Variants in SAMD12 observed in about 807,000 individuals in gnomAD.
SAMD12 encodes the protein sterile alpha motif domain-containing protein 12.
Under a neutral mutation model 15.0 loss-of-function variants are expected in SAMD12, and 9 were observed. The ratio of observed to expected loss-of-function variants is 0.60; its 90% CI spans 0.36 to 1.05. The LOEUF is 1.05. Among genes scored for constraint, SAMD12 ranks in the 50% least tolerant of loss-of-function variants. The probability of loss-of-function intolerance (pLI) is 0.01; values close to 1 mark genes in which losing one functional copy is unlikely to be tolerated. For synonymous variants in SAMD12, 86 were observed against 90.1 expected, an observed-to-expected ratio of 0.96 and a Z score of 0.25; for missense variants, 230 against 234.2, an observed-to-expected ratio of 0.98 and a Z score of 0.12.
intron 3 of SAMD12, among the ~76,000 whole-genome samples, chr8:118,427,311 A>G (rs1822261442): frequency 6.6e-6 from 1 of 152,238 alleles, no homozygotes; most frequent in Non-Finnish European, 1.5e-5. Context: ...TAAAAAATGG[A>G]AAAGTACACA....
intron 3 of SAMD12, among the ~76,000 whole-genome samples, chr8:118,424,406 CTG>C (rs1394099764): frequency 1.3e-5 from 2 of 151,994 alleles, no homozygotes; most frequent in African/African-American, 4.8e-5. Flanking sequence ...GAAAGGGAAA[CTG>C]AGGCTCAGTG....
intron 1 of SAMD12, among the ~76,000 whole-genome samples, chr8:118,606,902 C>T (rs1418231849): frequency 2.0e-5 from 3 of 152,112 alleles, no homozygotes; most frequent in East Asian, 1.9e-4. Flanking sequence ...TGACACTCCC[C>T]CTACTTTCTG....
chr8:118,233,226 G>C (rs949223188), intron 4 of SAMD12, among the ~76,000 whole-genome samples: 3 of 152,164 alleles, frequency 2.0e-5, no homozygotes, highest in African/African-American at 7.2e-5. Flanking sequence ...TTTACTGCCT[G>C]AAATATCTTC....
intron 2 of SAMD12, among the ~76,000 whole-genome samples, chr8:118,562,512 C>T (rs1232681036): frequency 6.6e-6 from 1 of 152,098 alleles, no homozygotes; most frequent in Non-Finnish European, 1.5e-5. Flanking sequence ...GAAGGGAGTG[C>T]ACTTCCAAAA....
chr8:118,521,578 C>A (rs9297588), intron 2 of SAMD12, among the ~76,000 whole-genome samples: 96,497 of 152,036 alleles, frequency 0.63, 30,829 homozygotes, highest in South Asian at 0.7. Context: ...GTGTTATACT[C>A]GCAGATATGC....
rs145463963 is a variant in SAMD12, at chr8:118,532,547, G to A, written c.192+48168C>T. Among the ~76,000 whole-genome samples the A allele has an allele frequency of 1.7e-3, 257 of 152,218 alleles. 1 individual carries two copies. The highest frequency in any genetic ancestry group is 4.8e-3 in the African/African-American group (201 of 41,536). ...CCTCTTTGTACCTCTGGTAGAATTC[G>A]GCTGTGAATCCATCTGGTCCTGGAC... On this transcript the variant is annotated intron_variant, in intron 2 of 3. Transcript: ENST00000314727.
intron 3 of SAMD12, among the ~76,000 whole-genome samples, chr8:118,431,935 T>C (rs1335276564): frequency 6.6e-6 from 1 of 152,156 alleles, no homozygotes; most frequent in Non-Finnish European, 1.5e-5. Context: ...CTCTGTTGTT[T>C]TCATTCATTT....
At chr8:118,541,540 T>C (rs1218924463) in intron 2 of SAMD12, among the ~76,000 whole-genome samples, 1 of 152,192 alleles carries the variant, frequency 6.6e-6, no homozygotes, top group African/African-American at 2.4e-5. Flanking sequence ...ATGAAAATAA[T>C]TGTAGACAGT....
rs566587156 is a variant in SAMD12 at position 118,230,431 on chromosome 8, C to A, written c.434-32699G>T. ...GCTATTCCAACTACTGATTCCTAAA[C>A]AATCCAGAGGACATATGAAATCAGA... On this transcript the variant is annotated intron_variant, in intron 4 of 4. Transcript: ENST00000409003. Among the ~76,000 whole-genome samples, 5 of 152,196 alleles carry A rather than the reference C, an allele frequency of 3.3e-5. No homozygotes were observed. In the South Asian group the frequency reaches 8.3e-4, roughly 25 times the overall value.
chr8:118,336,690 T>C (rs1385113134), intron 4 of SAMD12, among the ~76,000 whole-genome samples: 1 of 152,192 alleles, frequency 6.6e-6, no homozygotes, highest in East Asian at 1.9e-4. Flanking sequence ...ACCTGTTGTT[T>C]CCTGACTTTT....
rs528862868 is a variant in SAMD12, at chr8:118,504,799, G to A, written c.193-64838C>T. On this transcript the variant is annotated intron_variant, in intron 2 of 3. Transcript: ENST00000314727. ...GCAGAGACACATGGCCATAAGCCAAGGAAGGCCAACAGCTGCTGGAACTAG... is the reference window on the plus strand; with the variant it reads ...GCAGAGACACATGGCCATAAGCCAAAGAAGGCCAACAGCTGCTGGAACTAG... 2.0e-5 allele frequency among the ~76,000 whole-genome samples: 3 copies of A among 152,288 alleles called. No homozygotes were observed. The South Asian group carries it at 6.2e-4, about 32-fold the overall frequency.
At chr8:118,433,949 A>T (rs938846274) in intron 3 of SAMD12, among the ~76,000 whole-genome samples, 1 of 152,202 alleles carries the variant, frequency 6.6e-6, no homozygotes, top group Admixed American at 6.5e-5. Flanking sequence ...TCCTTTTGAC[A>T]CTTGTTAGCT....
At chr8:118,383,861 G>A (rs1192304753) in intron 3 of SAMD12, among the ~76,000 whole-genome samples, 1 of 152,074 alleles carries the variant, frequency 6.6e-6, no homozygotes, top group Non-Finnish European at 1.5e-5. Context: ...CTGTGATATG[G>A]AGATAAGTAG....
chr8:118,493,278 A>C lies in SAMD12; in HGVS notation c.193-53317T>G, dbSNP rs559720099. Among the ~76,000 whole-genome samples the C allele has an allele frequency of 5.3e-5, 8 of 152,204 alleles. No homozygotes were observed. In the South Asian group the frequency reaches 1.0e-3, roughly 20 times the overall value. On this transcript the variant is annotated intron_variant, in intron 2 of 3. Transcript: ENST00000314727. ...TAATTGCCAAGTGCCATATGTGCTA[A>C]ATTTCTCCCAAGTCTATTACTCCTA...
chr8:118,415,856 T>G (rs1055614133), intron 3 of SAMD12, among the ~76,000 whole-genome samples: 1 of 152,220 alleles, frequency 6.6e-6, no homozygotes, highest in African/African-American at 2.4e-5. Flanking sequence ...ATCTGCCTGT[T>G]ATGTGCTAAA....
intron 4 of SAMD12, among the ~76,000 whole-genome samples, chr8:118,241,405 C>A (rs891153865): frequency 6.6e-6 from 1 of 152,156 alleles, no homozygotes; most frequent in Non-Finnish European, 1.5e-5. Flanking sequence ...TTTTAGCACA[C>A]TAACACCTCT....
At chr8:118,356,383 C>G (rs1021376670) in intron 4 of SAMD12, among the ~76,000 whole-genome samples, 1 of 152,130 alleles carries the variant, frequency 6.6e-6, no homozygotes, top group Admixed American at 6.5e-5. Context: ...AATGCTGTTT[C>G]GTAGTCTTTC....
chr8:118,499,855 CAG>C lies in SAMD12; in HGVS notation c.193-59896_193-59895del, dbSNP rs142718751. ...ACTTCTTAGTCCTCAAGAGAATCAA[CAG>C]AGTTGTCAGGGGTAGCCAACATCTA... is the stretch of plus-strand genomic sequence containing the variant. On this transcript the variant is annotated intron_variant, in intron 2 of 3. Transcript: ENST00000314727. Among the ~76,000 whole-genome samples, 362 of 152,266 alleles carry C rather than the reference CAG, an allele frequency of 2.4e-3. 6 individuals carry two copies. The highest frequency in any genetic ancestry group is 8.4e-3 in the African/African-American group (348 of 41,556).
At chr8:118,496,319 T>TTTTGAGGATGA (rs1824608224) in intron 2 of SAMD12, among the ~76,000 whole-genome samples, 1 of 152,122 alleles carries the variant, frequency 6.6e-6, no homozygotes, top group Non-Finnish European at 1.5e-5. Context: ...GACTTCAAAC[T>TTTTGAGGATGA]ATACTACAAG....
Sources: allele counts gnomAD v4.1 joint callset (sites outside exome capture counted in the v4.1 genomes callset), GRCh38; gene constraint gnomAD v4.1.1; transcripts MANE v1.5; gene names NCBI Gene and HGNC (gene_info 2026-07-23, HGNC 2026-07-21).